WNT9B: variants seen among roughly 807,000 people sequenced by gnomAD.
The protein encoded by WNT9B is Wnt family member 9B.
WNT9B carries 12 observed loss-of-function variants against 30.2 expected under a neutral mutation model. The observed-to-expected ratio is 0.40, with a 90% CI of 0.26 to 0.64. The LOEUF (loss-of-function observed/expected upper bound fraction) is 0.64. Among genes scored for constraint, WNT9B ranks in the 30% least tolerant of loss-of-function variants. The probability of loss-of-function intolerance (pLI) is 0.42; values close to 1 mark genes in which losing one functional copy is unlikely to be tolerated. For synonymous variants in WNT9B, 218 were observed against 216.9 expected (o/e 1.01, Z -0.05); for missense variants, 442 against 485.2 (o/e 0.91, Z 0.84).
chr17:46,853,363 C>CTTTTT (rs35252647), intron 1 of WNT9B, among the ~76,000 whole-genome samples: 796 of 78,900 alleles, frequency 0.01, 136 homozygotes, highest in East Asian at 0.06. Flanking sequence ...ATGCTAGTGA[C>CTTTTT]TTTTTTTTTT....
At chr17:46,883,742 T>G (rs2085454751), downstream of WNT9B, among the ~76,000 whole-genome samples, 1 of 152,130 alleles carries the variant, frequency 6.6e-6, no homozygotes, top group South Asian at 2.1e-4. Flanking sequence ...ATGAGGGAGT[T>G]GCAAGGATTC....
intron 1 of WNT9B, among the ~76,000 whole-genome samples, chr17:46,855,337 C>T (rs1478891466): frequency 3.3e-5 from 5 of 152,304 alleles, no homozygotes; most frequent in East Asian, 3.9e-4. Context: ...AGTAGTGAGA[C>T]GGGTTGCACT....
At chr17:46,861,880 T>G (rs918935992) in intron 1 of WNT9B, among the ~76,000 whole-genome samples, 1 of 152,172 alleles carries the variant, frequency 6.6e-6, no homozygotes, top group Non-Finnish European at 1.5e-5. Context: ...TTTAGAAAAG[T>G]AGGCCGGGTG....
rs2146614172 is a variant in WNT9B at position 46,877,270 on chromosome 17, G to C, written c.*552G>C. ...CCCCTGGTTTTGCTGTGCCAGAGAT[G>C]GGGAGAAAGCACAGGTGGTAGAAGC... On this transcript the variant is annotated 3_prime_UTR_variant, in exon 4 of 4. Coordinates refer to ENST00000290015, the MANE Select transcript of WNT9B (RefSeq NM_003396.3). Among the ~76,000 whole-genome samples the C allele has an allele frequency of 1.3e-5, 2 of 152,334 alleles. 1 individual carries two copies. The highest frequency in any genetic ancestry group is 6.8e-3 in the Middle Eastern group (2 of 294).
At position 46,879,144 on chromosome 17, in the gene WNT9B, A is replaced by T. The variant is rs558864980; in HGVS notation, c.*2426A>T. ...TTTATATAGCTAAGATATATGAGAA[A>T]GTATTTATATTATTTATATAGTTGC... On this transcript the variant is annotated 3_prime_UTR_variant, in exon 4 of 4. Transcript: ENST00000290015. Among the ~76,000 whole-genome samples, 5 of 152,228 alleles carry T rather than the reference A, an allele frequency of 3.3e-5. No individual in the cohort carries two copies. Among genetic ancestry groups the T allele is most frequent in the Admixed American group, 1.3e-4 (2 of 15,282 alleles).
chr17:46,878,596 C>T lies in WNT9B; in HGVS notation c.*1878C>T, dbSNP rs143929927. On this transcript the variant is annotated 3_prime_UTR_variant, in exon 4 of 4. Coordinates refer to ENST00000290015, the MANE Select transcript of WNT9B (RefSeq NM_003396.3). Reference sequence around the variant, plus strand: ...TTTTCTCCTTTCTTCCACTTCCCCACAGCATGGAGATTTTCTCTGCCTTCC... The same window carrying T: ...TTTTCTCCTTTCTTCCACTTCCCCATAGCATGGAGATTTTCTCTGCCTTCC... Among the ~76,000 whole-genome samples, 69 of 152,336 alleles carry T rather than the reference C, an allele frequency of 4.5e-4. No individual in the cohort carries two copies. In the East Asian group the frequency reaches 0.012, roughly 26 times the overall value.
exon 5 of WNT9B, chr17:46,886,224 C>T (rs751806129): frequency 6.6e-5 from 10 of 152,272 alleles, no homozygotes; most frequent in East Asian, 1.9e-4. Context: ...CCACTTCATG[C>T]ACTAGTTGCA....
At chr17:46,842,409 C>T (rs2084726643) in intron 1 of WNT9B, among the ~76,000 whole-genome samples, 1 of 152,210 alleles carries the variant, frequency 6.6e-6, no homozygotes, top group Non-Finnish European at 1.5e-5. Flanking sequence ...GGGTCTCCCT[C>T]TGTCGCCCAG....
In WNT9B at chr17:46,878,883, G is replaced by A. The variant is rs2146617562; in HGVS notation, c.*2165G>A. ...GGACACCCCAAGTCAATGGCACAGT[G>A]CAGGTTCTGAGGGCTCCTTGGCTTG... is the stretch of plus-strand genomic sequence containing the variant. On this transcript the variant is annotated 3_prime_UTR_variant, in exon 4 of 4. Transcript: ENST00000290015. Among the ~76,000 whole-genome samples, 1 of 152,314 alleles carries A rather than the reference G, an allele frequency of 6.6e-6. No individual in the cohort carries two copies. Among genetic ancestry groups the A allele is most frequent in the East Asian group, 1.9e-4 (1 of 5,162 alleles).
rs1267904169 is a variant in WNT9B at position 46,860,893 on chromosome 17, C to T, written c.77+9178C>T. Among the ~76,000 whole-genome samples, 4 of 152,192 alleles carry T rather than the reference C, an allele frequency of 2.6e-5. No individual in the cohort carries two copies. In the South Asian group the frequency reaches 6.2e-4, roughly 24 times the overall value. On this transcript the variant is annotated intron_variant, in intron 1 of 3. Transcript: ENST00000290015. ...ATTTTTAGAGAGATAGGTTCCTGCT[C>T]TGTCACCCAGACTAGAGTGCAATGG...
intron 1 of WNT9B, among the ~76,000 whole-genome samples, chr17:46,866,785 G>T (rs1217955249): frequency 6.6e-6 from 1 of 152,114 alleles, no homozygotes; most frequent in East Asian, 1.9e-4. Context: ...CTTGTCCTGT[G>T]CCACCCACCC....
intron 1 of WNT9B, among the ~76,000 whole-genome samples, chr17:46,843,890 G>A (rs1432845778): frequency 6.6e-6 from 1 of 152,148 alleles, no homozygotes; most frequent in Non-Finnish European, 1.5e-5. Context: ...TCCTATTCCA[G>A]GGTTTAGCAC....
At position 46,876,609 on chromosome 17, in the gene WNT9B, C is replaced by G. The variant is rs548293670; in HGVS notation, c.965C>G (p.Thr322Ser). 2.5e-6 allele frequency: 4 copies of G among 1,612,144 alleles called. No homozygotes were observed. The East Asian group carries it at 8.9e-5, about 36-fold the overall frequency. ...SSLCCGRGYD[T>S]QSRLVAFSCH... ...CTGTGCTGCGGGCGGGGCTATGACA[C>G]CCAGAGCCGCCTGGTGGCCTTCTCC... The change falls in exon 4 of 4, where the codon ACC becomes AGC. Residue 322 changes from threonine (T) to serine (S), a missense_variant. Thr to Ser is a moderately conservative substitution (Grantham distance 58). Coordinates refer to ENST00000290015, the MANE Select transcript of WNT9B (RefSeq NM_003396.3).
At chr17:46,862,246 A>G (rs1401110740) in intron 1 of WNT9B, among the ~76,000 whole-genome samples, 5 of 152,088 alleles carry the variant, frequency 3.3e-5, no homozygotes, top group East Asian at 3.8e-4. Flanking sequence ...AAATAAACTT[A>G]AAAAATAAAA....
rs1393840782 is a variant in WNT9B, at chr17:46,879,847, G to A, written c.*3129G>A. 1.3e-5 allele frequency among the ~76,000 whole-genome samples: 2 copies of A among 152,206 alleles called. No individual in the cohort carries two copies. Among genetic ancestry groups the A allele is most frequent in the African/African-American group, 4.8e-5 (2 of 41,458 alleles). The stretch of plus-strand genomic sequence containing the variant: ...CATGTTGGCACTTCCCCCAAGTGGA[G>A]TCCCATGTCTCAGGGGCTTTGGCTG... On this transcript the variant is annotated 3_prime_UTR_variant, in exon 4 of 4. Coordinates refer to ENST00000290015, the MANE Select transcript of WNT9B (RefSeq NM_003396.3).
At chr17:46,838,246 T>C (rs1222578637) in intron 1 of WNT9B, among the ~76,000 whole-genome samples, 2 of 143,596 alleles carry the variant, frequency 1.4e-5, no homozygotes, top group Admixed American at 7.1e-5. Context: ...GGTGGTAAGG[T>C]GGGGAGGGAA....
downstream of WNT9B, among the ~76,000 whole-genome samples, chr17:46,881,427 A>C (rs149016486): frequency 4.6e-5 from 7 of 152,348 alleles, no homozygotes; most frequent in African/African-American, 1.7e-4. Context: ...TCTCTCTTGA[A>C]CCTCACAAGG....
At chr17:46,844,642 T>G (rs899163405) in intron 1 of WNT9B, among the ~76,000 whole-genome samples, 2 of 152,198 alleles carry the variant, frequency 1.3e-5, no homozygotes, top group Non-Finnish European at 2.9e-5. Context: ...CTCGTCCTTC[T>G]TTTTAGAGAG....
At chr17:46,835,011 T>C (rs2084609452) in intron 1 of WNT9B, among the ~76,000 whole-genome samples, 1 of 152,160 alleles carries the variant, frequency 6.6e-6, no homozygotes, top group South Asian at 2.1e-4. Flanking sequence ...TTCTTCTTTC[T>C]GGAGACAGGA....
Sources: gnomAD v4.1 joint callset for allele counts (sites outside exome capture counted in the v4.1 genomes callset) on GRCh38, gnomAD v4.1.1 for gene constraint, MANE v1.5 for transcripts, NCBI Gene and HGNC (gene_info 2026-07-23, HGNC 2026-07-21) for gene names.